Variants in WWOX observed in about 807,000 individuals in gnomAD.
The protein encoded by WWOX is WW domain containing oxidoreductase.
WWOX carries 69 observed loss-of-function variants against 46.2 expected under a neutral mutation model. The observed-to-expected ratio is 1.49, with a 90% CI of 1.23 to 1.82. WWOX has a LOEUF of 1.82. WWOX is among the 40% of genes most tolerant of loss of function. The pLI is 0.00. For synonymous variants in WWOX, 359 were observed against 202.6 expected (o/e 1.77, Z -6.56); for missense variants, 919 against 542.6 (o/e 1.69, Z -6.89).
intron 5 of WWOX, among the ~76,000 whole-genome samples, chr16:78,359,363 A>G (rs749236129): frequency 3.9e-5 from 6 of 152,224 alleles, no homozygotes; most frequent in Non-Finnish European, 5.9e-5. Context: ...GTAATGTAGC[A>G]TATACAAATT....
At chr16:79,091,679 C>T (rs1383802517) in intron 8 of WWOX, among the ~76,000 whole-genome samples, 3 of 151,974 alleles carry the variant, frequency 2.0e-5, no homozygotes, top group Non-Finnish European at 4.4e-5. Context: ...CTTACCTCTT[C>T]GTTAAAGCAG....
chr16:78,442,788 T>C (rs1440277444), intron 8 of WWOX, among the ~76,000 whole-genome samples: 4 of 151,728 alleles, frequency 2.6e-5, no homozygotes, highest in Non-Finnish European at 5.9e-5. Context: ...GAGACCAGCC[T>C]GGTCAACATT....
intron 8 of WWOX, among the ~76,000 whole-genome samples, chr16:78,501,193 C>CTCTTTTTTTTTTTTTTTT (rs1567609023): frequency 3.3e-5 from 3 of 90,948 alleles, no homozygotes; most frequent in Non-Finnish European, 4.5e-5. Flanking sequence ...CTTTCTTTCT[C>CTCTTTTTTTTTTTTTTTT]TTTTTTTTTT....
chr16:79,015,279 A>G (rs879488274), intron 8 of WWOX, among the ~76,000 whole-genome samples: 16 of 152,202 alleles, frequency 1.1e-4, no homozygotes, highest in Non-Finnish European at 2.1e-4. Context: ...ATGGGGTCAG[A>G]GGAAGCTCAG....
At chr16:78,231,269 G>T (rs1199052369) in intron 5 of WWOX, among the ~76,000 whole-genome samples, 1 of 152,206 alleles carries the variant, frequency 6.6e-6, no homozygotes, top group Non-Finnish European at 1.5e-5. Flanking sequence ...GGTTGAGCAA[G>T]AGTTACTTAT....
At chr16:79,099,219 C>T (rs954585262) in intron 8 of WWOX, among the ~76,000 whole-genome samples, 1 of 152,204 alleles carries the variant, frequency 6.6e-6, no homozygotes, top group East Asian at 1.9e-4. Flanking sequence ...GACCCAAACA[C>T]CTCCCGGTAG....
intron 8 of WWOX, among the ~76,000 whole-genome samples, chr16:79,041,397 C>G (rs931134274): frequency 2.6e-5 from 4 of 152,164 alleles, no homozygotes; most frequent in African/African-American, 9.7e-5. Flanking sequence ...AAGGATTCCA[C>G]CCACCACGCC....
chr16:78,828,452 C>T (rs1046785650), intron 8 of WWOX, among the ~76,000 whole-genome samples: 27 of 152,252 alleles, frequency 1.8e-4, no homozygotes, highest in African/African-American at 6.5e-4. Context: ...TTACTGTTCC[C>T]TGCCATCTGC....
At chr16:78,532,366 C>G (rs536187613) in intron 8 of WWOX, among the ~76,000 whole-genome samples, 1 of 152,194 alleles carries the variant, frequency 6.6e-6, no homozygotes, top group East Asian at 1.9e-4. Flanking sequence ...AGACCAGCCA[C>G]CCACTCAGAG....
At chr16:79,039,614 T>C (rs1278613024) in intron 8 of WWOX, among the ~76,000 whole-genome samples, 1 of 152,236 alleles carries the variant, frequency 6.6e-6, no homozygotes, top group African/African-American at 2.4e-5. Flanking sequence ...TTTGCCTTCC[T>C]ACCGTAGGCT....
At chr16:78,855,193 T>A (rs2052538845) in intron 8 of WWOX, among the ~76,000 whole-genome samples, 1 of 152,168 alleles carries the variant, frequency 6.6e-6, no homozygotes, top group African/African-American at 2.4e-5. Flanking sequence ...TAGATTACTG[T>A]CTTCATTAAT....
intron 8 of WWOX, among the ~76,000 whole-genome samples, chr16:79,195,480 T>C (rs1559407): frequency 0.15 from 22,425 of 152,132 alleles, 1,788 homozygotes; most frequent in African/African-American, 0.19. Flanking sequence ...GAGGGACTCA[T>C]AGGACAGCCT....
intron 8 of WWOX, among the ~76,000 whole-genome samples, chr16:78,987,426 C>T (rs2046803724): frequency 6.6e-6 from 1 of 152,192 alleles, no homozygotes; most frequent in South Asian, 2.1e-4. Flanking sequence ...GGAGCTCCTG[C>T]CACGTATTTT....
chr16:78,726,677 G>C (rs34464382), intron 8 of WWOX, among the ~76,000 whole-genome samples: 1 of 149,004 alleles, frequency 6.7e-6, no homozygotes, highest in Non-Finnish European at 1.5e-5. Flanking sequence ...AGGGCTTTAT[G>C]TAAAGCCCTA....
At chr16:78,766,420 C>A (rs566094264) in intron 8 of WWOX, among the ~76,000 whole-genome samples, 2 of 152,230 alleles carry the variant, frequency 1.3e-5, no homozygotes, top group East Asian at 3.9e-4. Context: ...CACAGCAAGA[C>A]CCCACGTCTT....
chr16:78,493,994 A>C (rs4888813), intron 8 of WWOX, among the ~76,000 whole-genome samples: 112,919 of 152,084 alleles, frequency 0.74, 44,291 homozygotes, highest in Admixed American at 0.86. Flanking sequence ...TGAGACTGGG[A>C]AATTTATAAA....
intron 5 of WWOX, among the ~76,000 whole-genome samples, chr16:78,381,745 G>A (rs1299866605): frequency 1.3e-5 from 2 of 152,174 alleles, no homozygotes; most frequent in Non-Finnish European, 2.9e-5. Flanking sequence ...ATGGGAGGAT[G>A]GATGATTGGA....
At chr16:78,532,887 A>G (rs1404120551) in intron 8 of WWOX, among the ~76,000 whole-genome samples, 1 of 152,216 alleles carries the variant, frequency 6.6e-6, no homozygotes, top group Non-Finnish European at 1.5e-5. Flanking sequence ...CAGCCAAACC[A>G]TATCAAAAAC....
At chr16:78,747,735 C>G (rs1309008934) in intron 8 of WWOX, among the ~76,000 whole-genome samples, 1 of 152,210 alleles carries the variant, frequency 6.6e-6, no homozygotes, top group African/African-American at 2.4e-5. Context: ...GAGCGTCAGC[C>G]CATGAGCTTA....
Sources: allele counts gnomAD v4.1 joint callset (sites outside exome capture counted in the v4.1 genomes callset), GRCh38; gene constraint gnomAD v4.1.1; transcripts MANE v1.5; gene names NCBI Gene and HGNC (gene_info 2026-07-23, HGNC 2026-07-21).